PHEX: variants seen among roughly 807,000 people sequenced by gnomAD.
PHEX encodes phosphate-regulating neutral endopeptidase PHEX.
A neutral mutation model predicts 68.0 loss-of-function variants in PHEX; 16 were observed. The observed-to-expected ratio is 0.24, with a 90% CI of 0.16 to 0.36. PHEX has a LOEUF of 0.36. Among genes scored for constraint, PHEX ranks in the 10% least tolerant of loss-of-function variants. PHEX has a pLI of 1.00. For missense variants in PHEX, 480 were observed against 575.5 expected, an observed-to-expected ratio of 0.83 and a Z score of 1.70; for synonymous variants, 208 against 205.1, an observed-to-expected ratio of 1.01 and a Z score of -0.12.
At chrX:22,136,311 T>C (rs992748835) in intron 12 of PHEX, among the ~76,000 whole-genome samples, 2 of 112,017 alleles carry the variant, frequency 1.8e-5, no homozygotes, top group Admixed American at 9.5e-5. Context: ...ATCTTAGGGT[T>C]TTGTCTTTCT....
intron 12 of PHEX, among the ~76,000 whole-genome samples, chrX:22,153,976 A>C (rs191736881): frequency 1.6e-3 from 176 of 111,560 alleles, no homozygotes; most frequent in Non-Finnish European, 2.6e-3. Context: ...TATTTATATC[A>C]CGACTTACAG....
intron 6 of PHEX, 33 bp downstream of exon 6, chrX:22,090,530 A>T: frequency 9.7e-7 from 1 of 1,034,551 alleles, no homozygotes; most frequent in Non-Finnish European, 1.4e-6. Flanking sequence ...TATGTGCCTT[A>T]CCAGGCTGCT....
At chrX:22,113,027 GTGTGTGTGTGTGTGTGTGTGTGTGTGTT>G (rs1387037808) in intron 10 of PHEX, among the ~76,000 whole-genome samples, 4 of 105,947 alleles carry the variant, frequency 3.8e-5, no homozygotes, top group African/African-American at 1.4e-4. Context: ...GTGTGTGTGT[GTGTGTGTGTGTGTGTGTGTGTGTGTGTT>G]TGTGTGTATT....
At chrX:22,072,417 AAAG>A (rs1393019987) in intron 3 of PHEX, among the ~76,000 whole-genome samples, 1 of 111,686 alleles carries the variant, frequency 9.0e-6, no homozygotes, top group African/African-American at 3.3e-5. Context: ...TCTCAAAAAA[AAAG>A]AAAAATAAAA....
At chrX:22,129,812 C>T (rs1328888104) in intron 11 of PHEX, among the ~76,000 whole-genome samples, 1 of 111,496 alleles carries the variant, frequency 9.0e-6, no homozygotes, top group Non-Finnish European at 1.9e-5. Flanking sequence ...ATGCATGAAA[C>T]CCAAACTCCA....
At chrX:22,035,155 G>A (rs370368579) in intron 1 of PHEX, among the ~76,000 whole-genome samples, 30 of 111,364 alleles carry the variant, frequency 2.7e-4, no homozygotes, top group Admixed American at 5.8e-4. Flanking sequence ...GCATCCCTTC[G>A]TACCTCATCT....
chrX:22,050,210 A>G (rs995350334), intron 3 of PHEX, among the ~76,000 whole-genome samples: 2 of 112,709 alleles, frequency 1.8e-5, no homozygotes, highest in South Asian at 3.6e-4. Flanking sequence ...ATTGGATTCA[A>G]TTAGAACTGT....
rs151173582 is a variant in PHEX at position 22,242,016 on chromosome X, C to T, written c.2071-3317C>T. Among the ~76,000 whole-genome samples the T allele has an allele frequency of 8.4e-3, 936 of 111,673 alleles. 8 individuals carry two copies. Among genetic ancestry groups the T allele is most frequent in the African/African-American group, 0.028 (874 of 30,711 alleles). ...CCAATATCCCTGATGAACATCAAGG[C>T]AAAAATCCTCAGTAAGATATTGGCA... On this transcript the variant is annotated intron_variant, in intron 20 of 21. Coordinates refer to ENST00000379374, the MANE Select transcript of PHEX (RefSeq NM_000444.6).
chrX:22,126,239 G>A (rs377175700), intron 11 of PHEX, among the ~76,000 whole-genome samples: 1 of 112,032 alleles, frequency 8.9e-6, no homozygotes, highest in South Asian at 3.7e-4. Context: ...GGTCTTGTTA[G>A]GGAGACCAAA....
At chrX:22,189,182 G>T (rs1238287877) in intron 14 of PHEX, among the ~76,000 whole-genome samples, 1 of 112,367 alleles carries the variant, frequency 8.9e-6, no homozygotes, top group Non-Finnish European at 1.9e-5. Context: ...TCACCTGTTG[G>T]TGGACACTTA....
At chrX:22,181,379 ACC>A (rs1401629035) in intron 14 of PHEX, among the ~76,000 whole-genome samples, 1 of 111,600 alleles carries the variant, frequency 9.0e-6, no homozygotes, top group Non-Finnish European at 1.9e-5. Context: ...CTTTTCATAT[ACC>A]TGTTTGCCTT....
chrX:22,164,929 A>G (rs934112485), intron 12 of PHEX, among the ~76,000 whole-genome samples: 1 of 111,903 alleles, frequency 8.9e-6, no homozygotes, highest in Non-Finnish European at 1.9e-5. Flanking sequence ...AGAGTTTTGA[A>G]GGTGTAATTT....
At chrX:22,196,192 A>T (rs1934362650) in intron 15 of PHEX, among the ~76,000 whole-genome samples, 1 of 111,686 alleles carries the variant, frequency 9.0e-6, no homozygotes, top group Admixed American at 9.5e-5. Context: ...CAACAACAAA[A>T]ATGTATGCTT....
chrX:22,038,200 A>C (rs1337886102), intron 1 of PHEX, among the ~76,000 whole-genome samples: 2 of 110,031 alleles, frequency 1.8e-5, no homozygotes, highest in Non-Finnish European at 3.8e-5. Context: ...TGCTCTAGAG[A>C]CCACACTCTT....
At chrX:22,166,455 C>T (rs1933323534) in intron 12 of PHEX, among the ~76,000 whole-genome samples, 1 of 110,763 alleles carries the variant, frequency 9.0e-6, no homozygotes, top group African/African-American at 3.3e-5. Context: ...TATGCCATAT[C>T]GTGTGTGTTT....
At chrX:22,234,316 A>G (rs946793382) in intron 20 of PHEX, among the ~76,000 whole-genome samples, 5 of 112,562 alleles carry the variant, frequency 4.4e-5, no homozygotes, top group African/African-American at 6.5e-5. Context: ...GAGCTCGACC[A>G]CTGCGCTGGC....
chrX:22,153,216 T>A (rs1036723520), intron 12 of PHEX, among the ~76,000 whole-genome samples: 3 of 111,716 alleles, frequency 2.7e-5, no homozygotes, highest in Non-Finnish European at 3.8e-5. Flanking sequence ...CTCGAACTCC[T>A]GGGCTCAAGC....
At chrX:22,105,002 A>C (rs1930615092) in intron 9 of PHEX, among the ~76,000 whole-genome samples, 1 of 112,594 alleles carries the variant, frequency 8.9e-6, no homozygotes. Context: ...CATTAAAGTA[A>C]GATGATTCTT....
At chrX:22,071,914 A>G (rs1928918451) in intron 3 of PHEX, among the ~76,000 whole-genome samples, 1 of 111,312 alleles carries the variant, frequency 9.0e-6, no homozygotes, top group Non-Finnish European at 1.9e-5. Context: ...CCTGACCAAC[A>G]TGGTGAAACC....
Sources: allele counts gnomAD v4.1 joint callset (sites outside exome capture counted in the v4.1 genomes callset), GRCh38; gene constraint gnomAD v4.1.1; transcripts MANE v1.5; gene names NCBI Gene and HGNC (gene_info 2026-07-23, HGNC 2026-07-21).